MND1: variants seen among roughly 807,000 people sequenced by gnomAD.
The protein encoded by MND1 is meiotic nuclear division protein 1 homolog.
Under a neutral mutation model 35.1 loss-of-function variants are expected in MND1, and 28 were observed. The observed-to-expected ratio is 0.80, with a 90% CI of 0.59 to 1.09. The LOEUF (loss-of-function observed/expected upper bound fraction) is 1.09. MND1 is among the 50% of genes least tolerant of loss of function. The pLI, the probability that MND1 is intolerant of heterozygous loss-of-function variation, is 0.00. For missense variants in MND1, 213 were observed against 239.6 expected, an observed-to-expected ratio of 0.89 and a Z score of 0.73; for synonymous variants, 69 against 70.5, an observed-to-expected ratio of 0.98 and a Z score of 0.11.
intron 4 of MND1, among the ~76,000 whole-genome samples, chr4:153,380,818 G>A (rs920372545): frequency 6.6e-6 from 1 of 152,078 alleles, no homozygotes; most frequent in African/African-American, 2.4e-5. Flanking sequence ...TTTTTTACTG[G>A]TAAGTTATTT....
intron 7 of MND1, among the ~76,000 whole-genome samples, chr4:153,410,506 G>C (rs1337143819): frequency 1.3e-5 from 2 of 152,014 alleles, no homozygotes. Context: ...CAAACAAAAA[G>C]AAAACAGTAA....
At chr4:153,359,995 C>A (rs189247957) in intron 4 of MND1, among the ~76,000 whole-genome samples, 46 of 152,142 alleles carry the variant, frequency 3.0e-4, no homozygotes, top group African/African-American at 1.1e-3. Context: ...CCATGATGGC[C>A]AAGCTGGTCT....
At chr4:153,346,703 A>G (rs183791512) in intron 1 of MND1, among the ~76,000 whole-genome samples, 183 of 152,360 alleles carry the variant, frequency 1.2e-3, no homozygotes, top group African/African-American at 4.2e-3. Context: ...AGTAACTTTC[A>G]TAGCTGCTGA....
chr4:153,358,684 C>T (rs1449213544), intron 4 of MND1, 62 bp downstream of exon 4: 9 of 1,484,048 alleles, frequency 6.1e-6, no homozygotes, highest in South Asian at 4.4e-5. Flanking sequence ...TTTACTTCAT[C>T]CTCTTTTTGT....
intron 7 of MND1, among the ~76,000 whole-genome samples, chr4:153,413,637 C>T (rs1729750697): frequency 6.6e-6 from 1 of 151,396 alleles, no homozygotes; most frequent in South Asian, 2.1e-4. Context: ...GAGATTATAC[C>T]ACTCACTGCC....
chr4:153,395,428 C>A (rs1246466490), intron 5 of MND1, among the ~76,000 whole-genome samples: 1 of 152,180 alleles, frequency 6.6e-6, no homozygotes, highest in Non-Finnish European at 1.5e-5. Flanking sequence ...AACATAGTTG[C>A]CGCCTGCAGA....
chr4:153,365,070 C>T (rs1035050863), intron 4 of MND1, among the ~76,000 whole-genome samples: 3 of 151,040 alleles, frequency 2.0e-5, no homozygotes, highest in Non-Finnish European at 2.9e-5. Flanking sequence ...GCACTCCTGT[C>T]CCTGACTGAA....
intron 6 of MND1, among the ~76,000 whole-genome samples, chr4:153,405,924 C>A (rs973993316): frequency 6.6e-6 from 1 of 152,114 alleles, no homozygotes; most frequent in African/African-American, 2.4e-5. Context: ...CCTGCCTCAA[C>A]CTCCGAGTAC....
At chr4:153,390,919 A>ATGTGTGTGTG (rs149830333) in intron 4 of MND1, among the ~76,000 whole-genome samples, 31 of 124,760 alleles carry the variant, frequency 2.5e-4, no homozygotes, top group African/African-American at 7.7e-4. Flanking sequence ...GTGTGTGTAT[A>ATGTGTGTGTG]TGTGTGTGTG....
intron 4 of MND1, among the ~76,000 whole-genome samples, chr4:153,377,274 G>A (rs1266223437): frequency 6.6e-6 from 1 of 152,116 alleles, no homozygotes; most frequent in African/African-American, 2.4e-5. Flanking sequence ...ATATTCTTAG[G>A]ACAACTTAAG....
intron 3 of MND1, among the ~76,000 whole-genome samples, chr4:153,356,731 T>C (rs1167995836): frequency 2.0e-5 from 3 of 152,036 alleles, no homozygotes; most frequent in African/African-American, 7.2e-5. Flanking sequence ...TTTCGATTTC[T>C]TCAGTTATTA....
At chr4:153,357,342 C>G (rs1773371823) in intron 3 of MND1, among the ~76,000 whole-genome samples, 2 of 152,100 alleles carry the variant, frequency 1.3e-5, no homozygotes, top group Admixed American at 1.3e-4. Flanking sequence ...AGTTTAAATA[C>G]ACAGTTGACC....
At chr4:153,380,806 A>AT (rs1406274475) in intron 4 of MND1, among the ~76,000 whole-genome samples, 1 of 152,114 alleles carries the variant, frequency 6.6e-6, no homozygotes, top group Non-Finnish European at 1.5e-5. Flanking sequence ...ATAAACTAAG[A>AT]TTTTTTTACT....
intron 6 of MND1, among the ~76,000 whole-genome samples, chr4:153,402,613 C>G (rs1476856420): frequency 6.6e-6 from 1 of 152,154 alleles, no homozygotes; most frequent in African/African-American, 2.4e-5. Flanking sequence ...TCTAGAGGAA[C>G]AAAATGCCCC....
intron 4 of MND1, among the ~76,000 whole-genome samples, chr4:153,393,815 A>G (rs757270002): frequency 3.9e-5 from 6 of 152,016 alleles, no homozygotes; most frequent in Non-Finnish European, 7.4e-5. Flanking sequence ...ATAAAAAGAA[A>G]ATGTTTTTTA....
At chr4:153,369,607 A>G (rs1259764124) in intron 4 of MND1, among the ~76,000 whole-genome samples, 1 of 152,266 alleles carries the variant, frequency 6.6e-6, no homozygotes, top group African/African-American at 2.4e-5. Context: ...GCTGATGAGC[A>G]TCTGAGCCTT....
chr4:153,359,747 G>A (rs1449451074), intron 4 of MND1, among the ~76,000 whole-genome samples: 1 of 141,194 alleles, frequency 7.1e-6, no homozygotes, highest in Non-Finnish European at 1.5e-5. Context: ...GTTTTAAATT[G>A]CCATTCTCTA....
chr4:153,374,080 G>T (rs1014724815), intron 4 of MND1, among the ~76,000 whole-genome samples: 1 of 152,158 alleles, frequency 6.6e-6, no homozygotes, highest in Non-Finnish European at 1.5e-5. Context: ...TAAAGCCTTG[G>T]TTTCCTAGTT....
In MND1 at chr4:153,397,236, A is replaced by G. The variant is rs1216807318; in HGVS notation, c.369A>G (p.Leu123=). 6 of 1,612,072 alleles carry G rather than the reference A, an allele frequency of 3.7e-6. No homozygotes were observed. The highest frequency in any genetic ancestry group is 1.3e-5 in the African/African-American group (1 of 74,890). ...GAATGCAGGAAGAGCGAACCAGGCT[A>G]GCAAAAGAGCTTTCTTCACTTCGAG... ...GRCETEERTR[L]AKELSSLRDQ... Residue 123 remains leucine (L), a synonymous_variant, in exon 6 of 8, where the codon CTA becomes CTG. Transcript: ENST00000240488.
Sources: allele counts gnomAD v4.1 joint callset (sites outside exome capture counted in the v4.1 genomes callset), GRCh38; gene constraint gnomAD v4.1.1; transcripts MANE v1.5; gene names NCBI Gene and HGNC (gene_info 2026-07-23, HGNC 2026-07-21).